The following NCKAP5 variants were observed in gnomAD, a reference collection of about 807,000 sequenced individuals.
NCKAP5 encodes the protein nck-associated protein 5.
In NCKAP5, 92 loss-of-function variants were observed where a neutral mutation model predicts 167.0. The ratio of observed to expected loss-of-function variants is 0.55; its 90% CI spans 0.47 to 0.66. NCKAP5 has a LOEUF of 0.66. NCKAP5 is among the 30% of genes least tolerant of loss of function. The pLI, the probability that NCKAP5 is intolerant of heterozygous loss-of-function variation, is 0.00. For synonymous variants in NCKAP5, 891 were observed against 877.4 expected (o/e 1.02, Z -0.27); for missense variants, 2,378 against 2,315.0 (o/e 1.03, Z -0.56).
At chr2:133,599,947 G>A in the NCKAP5 span, among the ~76,000 whole-genome samples, 4 of 152,242 alleles carry the variant, frequency 2.6e-5, no homozygotes, top group African/African-American at 9.6e-5. Context: ...ACACCCTGTG[G>A]TGGGGTGAGC....
chr2:132,767,593 T>C (rs1030351169), intron 16 of NCKAP5, among the ~76,000 whole-genome samples: 7 of 152,180 alleles, frequency 4.6e-5, no homozygotes, highest in African/African-American at 1.7e-4. Context: ...CTTGTTACAA[T>C]ACAAATATGT....
At chr2:133,150,637 G>C (rs183279157) in intron 5 of NCKAP5, among the ~76,000 whole-genome samples, 2 of 152,148 alleles carry the variant, frequency 1.3e-5, no homozygotes, top group East Asian at 3.9e-4. Context: ...TAAATAAATT[G>C]GTTTGCTGAT....
At chr2:133,384,328 T>G (rs184340461) in intron 3 of NCKAP5, among the ~76,000 whole-genome samples, 6,202 of 152,232 alleles carry the variant, frequency 0.041, 378 homozygotes, top group African/African-American at 0.14. Flanking sequence ...TTTCCCCATT[T>G]CTTGTTTTTG....
intron 3 of NCKAP5, among the ~76,000 whole-genome samples, chr2:133,488,199 G>A (rs1355058280): frequency 6.6e-6 from 1 of 152,132 alleles, no homozygotes; most frequent in Non-Finnish European, 1.5e-5. Context: ...TATATTCATG[G>A]AATGCTTTAC....
At chr2:133,126,929 T>C (rs991482459) in intron 6 of NCKAP5, among the ~76,000 whole-genome samples, 1 of 152,184 alleles carries the variant, frequency 6.6e-6, no homozygotes, top group African/African-American at 2.4e-5. Flanking sequence ...TTGTAAGCCA[T>C]ACCACATTCT....
At chr2:133,565,631 C>T in intron 1 of NCKAP5, among the ~76,000 whole-genome samples, 1 of 152,192 alleles carries the variant, frequency 6.6e-6, no homozygotes, top group East Asian at 1.9e-4. Flanking sequence ...ATCCCCAAGA[C>T]AGCTCTAAGT....
At chr2:133,153,162 T>C (rs1462297688) in intron 5 of NCKAP5, among the ~76,000 whole-genome samples, 1 of 152,190 alleles carries the variant, frequency 6.6e-6, no homozygotes, top group African/African-American at 2.4e-5. Flanking sequence ...ATGTGAAATA[T>C]TTTTAGGGCA....
chr2:133,088,830 C>T (rs926529703), intron 6 of NCKAP5, among the ~76,000 whole-genome samples: 28 of 152,070 alleles, frequency 1.8e-4, no homozygotes, highest in Non-Finnish European at 4.0e-4. Context: ...AGCAGAAGCT[C>T]GCACCTACCT....
chr2:132,975,129 C>A (rs991254580), intron 7 of NCKAP5, among the ~76,000 whole-genome samples: 1 of 152,182 alleles, frequency 6.6e-6, no homozygotes. Flanking sequence ...GGAAAAATAG[C>A]GTCAGATAAA....
At chr2:132,675,534 C>G (rs1684324737) in intron 19 of NCKAP5, among the ~76,000 whole-genome samples, 1 of 151,988 alleles carries the variant, frequency 6.6e-6, no homozygotes, top group Non-Finnish European at 1.5e-5. Flanking sequence ...CCACCTAGAC[C>G]TACTACACCA....
chr2:133,265,435 T>C (rs910645968), intron 4 of NCKAP5, among the ~76,000 whole-genome samples: 1 of 152,112 alleles, frequency 6.6e-6, no homozygotes, highest in African/African-American at 2.4e-5. Context: ...GAGGAAGGCC[T>C]GCCACCCGGG....
intron 3 of NCKAP5, among the ~76,000 whole-genome samples, chr2:133,513,030 C>G (rs757793472): frequency 1.4e-4 from 22 of 152,158 alleles, no homozygotes; most frequent in African/African-American, 5.3e-4. Flanking sequence ...CTTGAGGAAG[C>G]CTATCCCCCT....
At chr2:133,364,073 T>C (rs1472601259) in intron 3 of NCKAP5, among the ~76,000 whole-genome samples, 1 of 152,202 alleles carries the variant, frequency 6.6e-6, no homozygotes, top group African/African-American at 2.4e-5. Context: ...ATCATCATCA[T>C]CATCATCATC....
chr2:133,056,827 C>T (rs2079819511), intron 6 of NCKAP5, among the ~76,000 whole-genome samples: 1 of 152,176 alleles, frequency 6.6e-6, no homozygotes, highest in African/African-American at 2.4e-5. Context: ...AGATCTGTAG[C>T]TCCAAAGTTG....
At chr2:133,471,197 T>G (rs889806386) in intron 3 of NCKAP5, among the ~76,000 whole-genome samples, 2 of 152,230 alleles carry the variant, frequency 1.3e-5, no homozygotes, top group Non-Finnish European at 2.9e-5. Context: ...TCAGGTGGCA[T>G]GCACCATCCT....
At chr2:133,497,921 T>C (rs1035085380) in intron 3 of NCKAP5, among the ~76,000 whole-genome samples, 2 of 152,136 alleles carry the variant, frequency 1.3e-5, no homozygotes, top group Non-Finnish European at 2.9e-5. Context: ...GAACCCCAGG[T>C]AACACAACCC....
At chr2:133,516,709 C>T (rs938275754) in intron 3 of NCKAP5, among the ~76,000 whole-genome samples, 1 of 152,216 alleles carries the variant, frequency 6.6e-6, no homozygotes, top group African/African-American at 2.4e-5. Flanking sequence ...GTGAATAAAG[C>T]ACATCCCTAT....
At position 133,187,126 on chromosome 2, in the gene NCKAP5, A is replaced by C. The variant is rs1279397162; in HGVS notation, c.207+26590T>G. ...TTTCCTCTTATCATTGCTTTAGCTG[A>C]GTCCCAAAGATTTTCATAAGTTGTG... On this transcript the variant is annotated intron_variant, in intron 5 of 19. Transcript: ENST00000409261. 2.0e-5 allele frequency among the ~76,000 whole-genome samples: 3 copies of C among 152,032 alleles called. No homozygotes were observed. The East Asian group carries it at 5.8e-4, about 29-fold the overall frequency.
intron 6 of NCKAP5, among the ~76,000 whole-genome samples, chr2:132,998,608 T>A (rs187423313): frequency 8.7e-4 from 133 of 152,342 alleles, no homozygotes; most frequent in East Asian, 2.5e-3. Context: ...CATCTTTTTT[T>A]AAAAATTCTT....
Sources: allele counts gnomAD v4.1 joint callset (sites outside exome capture counted in the v4.1 genomes callset), GRCh38; gene constraint gnomAD v4.1.1; transcripts MANE v1.5; gene names NCBI Gene and HGNC (gene_info 2026-07-23, HGNC 2026-07-21).